Variants in FIBCD1 observed in about 807,000 individuals in gnomAD.
FIBCD1 encodes fibrinogen C domain-containing protein 1.
FIBCD1 carries 47 observed loss-of-function variants against 45.1 expected under a neutral mutation model. The observed-to-expected ratio is 1.04, with a 90% CI of 0.82 to 1.33. FIBCD1 has a LOEUF of 1.33. FIBCD1 is among the 40% of genes most tolerant of loss of function. The probability of loss-of-function intolerance (pLI) is 0.00; values close to 1 mark genes in which losing one functional copy is unlikely to be tolerated. For missense variants in FIBCD1, 653 were observed against 682.2 expected (o/e 0.96, Z 0.48); for synonymous variants, 313 against 308.1 (o/e 1.02, Z -0.17).
chr9:130,912,497 A>G (rs1832076286), intron 4 of FIBCD1, among the ~76,000 whole-genome samples: 1 of 151,610 alleles, frequency 6.6e-6, no homozygotes, highest in South Asian at 2.1e-4. Flanking sequence ...ACCTGAGGTC[A>G]GGAGTTCGAG....
intron 6 of FIBCD1, 109 bp downstream of exon 6, chr9:130,905,125 A>C (rs1278835918): frequency 2.7e-6 from 3 of 1,103,950 alleles, no homozygotes; most frequent in Non-Finnish European, 3.7e-6. Context: ...TTACTTTCAA[A>C]GGGGGAAAAA....
chr9:130,932,456 G>A (rs575591997), intron 1 of FIBCD1, among the ~76,000 whole-genome samples: 4 of 152,324 alleles, frequency 2.6e-5, no homozygotes, highest in South Asian at 2.1e-4. Context: ...CGGGCTCCAC[G>A]CATCAAGACA....
intron 4 of FIBCD1, among the ~76,000 whole-genome samples, chr9:130,917,097 T>TAAAAC (rs71389378): frequency 0.24 from 35,859 of 151,664 alleles, 4,512 homozygotes; most frequent in East Asian, 0.49. Context: ...GACCTCGTCT[T>TAAAAC]AAAACAAAAC....
At chr9:130,912,806 G>T (rs78270692) in intron 4 of FIBCD1, among the ~76,000 whole-genome samples, 6 of 108,578 alleles carry the variant, frequency 5.5e-5, no homozygotes, top group Admixed American at 5.5e-4. Context: ...GTCAAAGAAA[G>T]GGGGGGCAGA....
intron 2 of FIBCD1, among the ~76,000 whole-genome samples, chr9:130,925,162 G>A (rs975445009): frequency 1.3e-5 from 2 of 152,092 alleles, no homozygotes; most frequent in African/African-American, 4.8e-5. Flanking sequence ...TGAGTTTCTG[G>A]GGCTCTCCGA....
intron 5 of FIBCD1, among the ~76,000 whole-genome samples, chr9:130,909,156 C>T (rs1040922147): frequency 1.2e-4 from 19 of 152,078 alleles, no homozygotes; most frequent in African/African-American, 4.6e-4. Context: ...GATGTCCACA[C>T]CCTTCTCACC....
At chr9:130,904,474 C>T (rs1831891528) in intron 6 of FIBCD1, 151 bp from the exon 7 acceptor site, 11 of 1,141,012 alleles carry the variant, frequency 9.6e-6, no homozygotes, top group South Asian at 6.3e-5. Context: ...GCTGTGCACG[C>T]GTGCAAGCGC....
intron 1 of FIBCD1, among the ~76,000 whole-genome samples, chr9:130,936,699 C>T (rs1050496084): frequency 3.3e-5 from 5 of 152,254 alleles, no homozygotes; most frequent in African/African-American, 1.2e-4. Context: ...TCATGCAGTG[C>T]CATTCAGCAA....
chr9:130,930,150 G>A (rs1387553436), intron 1 of FIBCD1, 104 bp from the exon 2 acceptor site: 24 of 1,380,296 alleles, frequency 1.7e-5, no homozygotes, highest in Middle Eastern at 2.6e-4. Context: ...TTCTTGGGGG[G>A]CTGGGCAAGG....
Position 130,903,878 on chromosome 9 carries a change from G to A in FIBCD1, c.*186C>T, listed in dbSNP as rs1475934471. On this transcript the variant is annotated 3_prime_UTR_variant, in exon 7 of 7. Coordinates refer to ENST00000372338, the MANE Select transcript of FIBCD1 (RefSeq NM_032843.5). ...TGAGCTGCCAAATGGAGGGGGTGGG[G>A]ACGGCGAGAAGGCGATGTGTGACTT... The A allele has an allele frequency of 2.7e-6, 2 of 742,182 alleles. No individual in the cohort carries two copies. Among genetic ancestry groups the A allele is most frequent in the African/African-American group, 3.5e-5 (2 of 57,718 alleles). The allele number at this position is 742,182 out of a possible 1,614,324, so 46.0% of individuals were successfully genotyped here. A position where few individuals can be genotyped will look rare whatever the true frequency, so the allele number is the denominator to read the frequency against.
chr9:130,937,275 G>A (rs149974627), intron 1 of FIBCD1, among the ~76,000 whole-genome samples: 20 of 152,280 alleles, frequency 1.3e-4, no homozygotes, highest in African/African-American at 4.6e-4. Context: ...CGACCACCCC[G>A]GAGAAGCAGT....
In FIBCD1 at chr9:130,924,335, T is replaced by C; in HGVS notation, c.614A>G (p.Asp205Gly). The stretch of plus-strand genomic sequence containing the variant: ...CAGCCCCCGGTCCCTCTGCAGGGCA[T>C]CCAGGATGTCGCTGACGGAGTTCAC... ...HLVNSVSDIL[D>G]ALQRDRGLGR... The change falls in exon 3 of 7, where the codon GAT becomes GGT. Residue 205 changes from aspartate (D) to glycine (G), a missense_variant. Asp to Gly is a moderately conservative substitution (Grantham distance 94). Coordinates refer to ENST00000372338, the MANE Select transcript of FIBCD1 (RefSeq NM_032843.5). The C allele has an allele frequency of 6.2e-7, 1 of 1,608,656 alleles. No homozygotes were observed.
chr9:130,905,361 C>T lies in FIBCD1; in HGVS notation c.999G>A (p.Val333=). 1 of 1,614,004 alleles carries T rather than the reference C, an allele frequency of 6.2e-7. No homozygotes were observed. Among genetic ancestry groups the T allele is most frequent in the South Asian group, 1.1e-5 (1 of 91,054 alleles). Residue 333 remains valine, a synonymous_variant, in exon 6 of 7, where the codon GTG becomes GTA. Coordinates refer to ENST00000372338, the MANE Select transcript of FIBCD1 (RefSeq NM_032843.5). ...LTTQAAYELH[V]DLEDFENGTA... ...TGCCATTCTCAAAGTCCTCCAGGTC[C>T]ACGTGCAGCTCGTAGGCAGCCTGTG...
Position 130,903,706 on chromosome 9 carries a change from A to C in FIBCD1, c.*358T>G. ...GCTCTCTGTCCCCATAATGCCGGGT[A>C]TTTGGCCGGGCAGGGCAGAGGGTGC... is the stretch of plus-strand genomic sequence containing the variant. On this transcript the variant is annotated 3_prime_UTR_variant, in exon 7 of 7. Coordinates refer to ENST00000372338, the MANE Select transcript of FIBCD1 (RefSeq NM_032843.5). 4 of 398,726 alleles carry C rather than the reference A, an allele frequency of 1.0e-5. No individual in the cohort carries two copies. Among genetic ancestry groups the C allele is most frequent in the East Asian group, 5.6e-5 (1 of 17,776 alleles). The allele number at this position is 398,726 out of a possible 1,614,324, so 24.7% of individuals were successfully genotyped here. A position where few individuals can be genotyped will look rare whatever the true frequency, so the allele number is the denominator to read the frequency against.
rs1277223330 is a variant in FIBCD1 at position 130,902,670 on chromosome 9, G to A, written c.*1394C>T. On this transcript the variant is annotated 3_prime_UTR_variant, in exon 7 of 7. Coordinates refer to ENST00000372338, the MANE Select transcript of FIBCD1 (RefSeq NM_032843.5). ...AGAGGCTGCTAGGCAGCTCCCCAAG[G>A]CTGACTCCAGCCCTTTCGGAGGCCC... 5.3e-5 allele frequency: 8 copies of A among 150,932 alleles called. No individual in the cohort carries two copies. The Admixed American group carries it at 5.3e-4, about 10-fold the overall frequency. The allele number at this position is 150,932 out of a possible 1,614,324, so 9.3% of individuals were successfully genotyped here. A position where few individuals can be genotyped will look rare whatever the true frequency, so the allele number is the denominator to read the frequency against.
At chr9:130,927,937 A>G (rs1225611884) in intron 2 of FIBCD1, among the ~76,000 whole-genome samples, 1 of 152,226 alleles carries the variant, frequency 6.6e-6, no homozygotes, top group Non-Finnish European at 1.5e-5. Flanking sequence ...CTGGGATTAC[A>G]GCATGAGCCA....
At chr9:130,932,490 G>A (rs1832458078) in intron 1 of FIBCD1, among the ~76,000 whole-genome samples, 2 of 152,204 alleles carry the variant, frequency 1.3e-5, no homozygotes, top group Admixed American at 6.5e-5. Context: ...AGACCCAAAT[G>A]CACAGTTCCC....
At chr9:130,912,247 A>C (rs1311596946) in intron 4 of FIBCD1, among the ~76,000 whole-genome samples, 1 of 151,884 alleles carries the variant, frequency 6.6e-6, no homozygotes, top group African/African-American at 2.4e-5. Flanking sequence ...CTTTACAAAA[A>C]ATTTAAAAAT....
intron 3 of FIBCD1, 127 bp downstream of exon 3, chr9:130,924,110 G>A (rs1446846270): frequency 7.5e-7 from 1 of 1,340,398 alleles, no homozygotes; most frequent in Admixed American, 2.6e-5. Flanking sequence ...GAGGGCTTCA[G>A]CGCAGGCCAC....
Sources: gnomAD v4.1 joint callset for allele counts (sites outside exome capture counted in the v4.1 genomes callset) on GRCh38, gnomAD v4.1.1 for gene constraint, MANE v1.5 for transcripts, NCBI Gene and HGNC (gene_info 2026-07-23, HGNC 2026-07-21) for gene names.